FMN2: variants seen among roughly 807,000 people sequenced by gnomAD.
FMN2 encodes the protein formin-2.
FMN2 carries 51 observed loss-of-function variants against 142.3 expected under a neutral mutation model. That is an observed-to-expected ratio of 0.36 (90% confidence interval 0.29 to 0.45). The LOEUF (loss-of-function observed/expected upper bound fraction) is 0.45, where lower values mean the gene tolerates loss of function less well. Ranked by LOEUF, FMN2 falls within the 20% of genes least tolerant of loss-of-function variation. FMN2 has a pLI of 1.00. For missense variants in FMN2, 1,936 were observed against 2,122.8 expected, an observed-to-expected ratio of 0.91 and a Z score of 1.73; for synonymous variants, 882 against 869.8, an observed-to-expected ratio of 1.01 and a Z score of -0.25.
chr1:240,165,611 A>G (rs921139115), intron 2 of FMN2, among the ~76,000 whole-genome samples: 4 of 148,698 alleles, frequency 2.7e-5, no homozygotes, highest in South Asian at 2.1e-4. Context: ...TTTATTTTTT[A>G]TTTATGTCTC....
intron 8 of FMN2, among the ~76,000 whole-genome samples, chr1:240,327,979 T>C (rs1232975717): frequency 1.3e-5 from 2 of 151,324 alleles, no homozygotes; most frequent in Non-Finnish European, 2.9e-5. Context: ...AAACCCTGTC[T>C]CTACTAAAAA....
intron 2 of FMN2, chr1:240,144,004 C>G (rs1201282953): frequency 2.5e-6 from 3 of 1,217,524 alleles, no homozygotes; most frequent in Non-Finnish European, 3.7e-6. Flanking sequence ...CAGGGACACA[C>G]TCATTCCAGA....
intron 14 of FMN2, 43 bp downstream of exon 14, chr1:240,355,951 CAAAAAAAAAAAAAAAAAA>C (rs58002724): frequency 0.08 from 20,116 of 252,276 alleles, 710 homozygotes; most frequent in African/African-American, 0.1. Context: ...CCCCTTTCAG[CAAAAAAAAAAAAAAAAAA>C]AAAAAAAAAA....
rs1676898473 is a variant in FMN2, at chr1:240,474,151, T to G, written c.5166T>G (p.Thr1722=). Residue 1722 remains threonine, a synonymous_variant, in exon 18 of 18, where the codon ACT becomes ACG. Coordinates refer to ENST00000319653, the MANE Select transcript of FMN2 (RefSeq NM_020066.5). ...AGAAAGCAAAGATAAGCATGAAAAC[T>G]TGAACAATGAAAAGCAGAATGAAAA... is the stretch of plus-strand genomic sequence containing the variant. ...SGIKAKISMK[T] 1 of 1,556,146 alleles carries G rather than the reference T, an allele frequency of 6.4e-7. No individual in the cohort carries two copies.
intron 16 of FMN2, among the ~76,000 whole-genome samples, chr1:240,451,434 G>A (rs1292706333): frequency 1.3e-5 from 2 of 152,018 alleles, no homozygotes; most frequent in African/African-American, 4.8e-5. Flanking sequence ...TTTGCTGTGA[G>A]CAGAATAGAA....
At chr1:240,192,791 G>A (rs1465190021) in intron 4 of FMN2, among the ~76,000 whole-genome samples, 1 of 152,036 alleles carries the variant, frequency 6.6e-6, no homozygotes, top group African/African-American at 2.4e-5. Flanking sequence ...ATTGAAGATA[G>A]GTAACATTTT....
chr1:240,376,135 C>A (rs567582088), intron 14 of FMN2, among the ~76,000 whole-genome samples: 83 of 152,126 alleles, frequency 5.5e-4, no homozygotes, highest in African/African-American at 1.9e-3. Context: ...TTTAATACAG[C>A]TACTTCAGCT....
intron 7 of FMN2, among the ~76,000 whole-genome samples, chr1:240,266,087 T>C (rs1378614039): frequency 6.6e-6 from 1 of 151,446 alleles, no homozygotes; most frequent in Non-Finnish European, 1.5e-5. Context: ...GTTTGTTATC[T>C]GGGTATATTG....
chr1:240,371,278 T>G (rs1175128049), intron 14 of FMN2, among the ~76,000 whole-genome samples: 3 of 152,122 alleles, frequency 2.0e-5, no homozygotes, highest in African/African-American at 7.2e-5. Context: ...ATTTTTAAAA[T>G]ATACCTTATT....
chr1:240,176,049 A>ATATATATATATAAC (rs1202611535), intron 2 of FMN2, among the ~76,000 whole-genome samples: 12 of 152,088 alleles, frequency 7.9e-5, no homozygotes, highest in African/African-American at 2.9e-4. Flanking sequence ...GTTTTAAATT[A>ATATATATATATAAC]TGATATAGTT....
At chr1:240,396,305 TGTGTGTGTGTGTGTG>T (rs1673773518) in intron 15 of FMN2, among the ~76,000 whole-genome samples, 1 of 94,456 alleles carries the variant, frequency 1.1e-5, no homozygotes, top group African/African-American at 6.4e-5. Flanking sequence ...GAGGTTTTCG[TGTGTGTGTGTGTGTG>T]TGTGTGTGTG....
At chr1:240,329,522 C>A in intron 10 of FMN2, 54 bp downstream of exon 10, 2 of 1,574,938 alleles carry the variant, frequency 1.3e-6, no homozygotes, top group Non-Finnish European at 1.7e-6. Flanking sequence ...TTGTGCTCAG[C>A]CATGTTCTTA....
intron 6 of FMN2, among the ~76,000 whole-genome samples, chr1:240,213,211 T>G (rs1666761061): frequency 6.6e-6 from 1 of 152,192 alleles, no homozygotes; most frequent in Non-Finnish European, 1.5e-5. Context: ...TTAAGGCATT[T>G]CATAAATTGT....
At chr1:240,435,569 G>A (rs1675338722) in intron 15 of FMN2, among the ~76,000 whole-genome samples, 1 of 151,906 alleles carries the variant, frequency 6.6e-6, no homozygotes, top group African/African-American at 2.4e-5. Context: ...CATTTGTTTT[G>A]TGTTGACACA....
chr1:240,254,990 G>T (rs933256203), intron 6 of FMN2, among the ~76,000 whole-genome samples: 1 of 152,144 alleles, frequency 6.6e-6, no homozygotes. Flanking sequence ...CCTGATCTCC[G>T]GGTGGCTCCC....
At chr1:240,242,056 A>G (rs1002976350) in intron 6 of FMN2, among the ~76,000 whole-genome samples, 7 of 151,976 alleles carry the variant, frequency 4.6e-5, no homozygotes, top group African/African-American at 1.2e-4. Flanking sequence ...CGTGTTAGCC[A>G]GGATGGTCTC....
intron 3 of FMN2, among the ~76,000 whole-genome samples, chr1:240,187,601 G>A (rs1438859708): frequency 6.6e-6 from 1 of 152,124 alleles, no homozygotes; most frequent in East Asian, 1.9e-4. Context: ...TTAGAAGAAA[G>A]TGCCCTCTCG....
chr1:240,318,804 ATGGTGGCAG>A (rs571550530), intron 8 of FMN2, among the ~76,000 whole-genome samples: 113 of 152,240 alleles, frequency 7.4e-4, no homozygotes, highest in Non-Finnish European at 1.3e-3. Context: ...TTGGACAAGG[ATGGTGGCAG>A]TGGAGGTGGA....
intron 8 of FMN2, among the ~76,000 whole-genome samples, chr1:240,301,833 AAGT>A (rs1670210247): frequency 6.6e-6 from 1 of 151,870 alleles, no homozygotes; most frequent in Non-Finnish European, 1.5e-5. Context: ...ATTGTAATAT[AAGT>A]AGGCATGGTT....
Sources: allele counts gnomAD v4.1 joint callset (sites outside exome capture counted in the v4.1 genomes callset), GRCh38; gene constraint gnomAD v4.1.1; transcripts MANE v1.5; gene names NCBI Gene and HGNC (gene_info 2026-07-23, HGNC 2026-07-21).